The following DENND2B variants were observed in gnomAD, a reference collection of about 807,000 sequenced individuals.
DENND2B encodes the protein DENN domain containing 2B, also known as DENN domain-containing protein 2B.
Under a neutral mutation model 116.0 loss-of-function variants are expected in DENND2B, and 32 were observed. The observed-to-expected ratio is 0.28, with a 90% CI of 0.21 to 0.37. The LOEUF (loss-of-function observed/expected upper bound fraction) is 0.37. DENND2B is among the 10% of genes least tolerant of loss of function. The pLI is 1.00. For missense variants in DENND2B, 1,276 were observed against 1,477.7 expected (o/e 0.86, Z 2.24); for synonymous variants, 588 against 583.9 (o/e 1.01, Z -0.10).
At chr11:8,695,825 C>T (rs567950850) in intron 18 of DENND2B, 1 of 492,310 alleles carries the variant, frequency 2.0e-6, no homozygotes, top group East Asian at 3.6e-5. Context: ...CAGAGCTGCC[C>T]CAAGTGGACA....
intron 1 of DENND2B, among the ~76,000 whole-genome samples, chr11:8,881,453 T>G (rs975565125): frequency 1.3e-5 from 2 of 152,224 alleles, no homozygotes; most frequent in African/African-American, 4.8e-5. Context: ...ATGGGAAATT[T>G]TGTAAATTTT....
At chr11:8,910,343 C>A (rs570482369) in intron 1 of DENND2B, among the ~76,000 whole-genome samples, 1 of 151,452 alleles carries the variant, frequency 6.6e-6, no homozygotes, top group Non-Finnish European at 1.5e-5. Context: ...TAGCGACACC[C>A]CAAAATGTAG....
In DENND2B at chr11:8,725,625, T is replaced by A. The variant is rs1009834223; in HGVS notation, c.1477+448A>T. Among the ~76,000 whole-genome samples, 7 of 152,300 alleles carry A rather than the reference T, an allele frequency of 4.6e-5. No homozygotes were observed. The East Asian group carries it at 1.2e-3, about 25-fold the overall frequency. On this transcript the variant is annotated intron_variant, in intron 4 of 19. Transcript: ENST00000313726. ...CACCAGCCTCGGCCTCCCAAAGTGC[T>A]GGAATTACAGGCACGAGCCACCATG...
intron 1 of DENND2B, chr11:8,809,229 A>T (rs1215293131): frequency 6.6e-6 from 1 of 152,236 alleles, no homozygotes; most frequent in Non-Finnish European, 1.5e-5. Flanking sequence ...GTATACATGT[A>T]CTCATTTTAG....
intron 1 of DENND2B, among the ~76,000 whole-genome samples, chr11:8,766,052 T>C (rs941988809): frequency 6.6e-6 from 1 of 151,554 alleles, no homozygotes; most frequent in African/African-American, 2.4e-5. Flanking sequence ...AACCTACTTA[T>C]AAAAGAAAAC....
intron 1 of DENND2B, among the ~76,000 whole-genome samples, chr11:8,892,717 T>G (rs1270164938): frequency 6.6e-6 from 1 of 152,208 alleles, no homozygotes; most frequent in African/African-American, 2.4e-5. Flanking sequence ...AATCCCTGAA[T>G]AGACCAATAA....
chr11:8,786,941 C>CA (rs1388537036), intron 1 of DENND2B: 1 of 152,126 alleles, frequency 6.6e-6, no homozygotes, highest in Non-Finnish European at 1.5e-5. Context: ...CTCTCTTTAC[C>CA]AGTTATCTAC....
chr11:8,850,138 C>T (rs1002453782), intron 3 of DENND2B, among the ~76,000 whole-genome samples: 1 of 152,102 alleles, frequency 6.6e-6, no homozygotes, highest in Non-Finnish European at 1.5e-5. Context: ...CAGTCACACA[C>T]ACACACACAA....
At chr11:8,718,337 G>A in intron 4 of DENND2B, 1 of 1,531,880 alleles carries the variant, frequency 6.5e-7, no homozygotes, top group African/African-American at 1.4e-5. Context: ...CCAACTCTCA[G>A]GGGATCTCCC....
At chr11:8,746,752 C>T (rs2051331824) in intron 2 of DENND2B, among the ~76,000 whole-genome samples, 4 of 152,146 alleles carry the variant, frequency 2.6e-5, no homozygotes, top group Non-Finnish European at 5.9e-5. Flanking sequence ...GCAAACCAGG[C>T]TAAGTTTGAC....
At position 8,712,190 on chromosome 11, in the gene DENND2B, G is replaced by C. The variant is rs542290042; in HGVS notation, c.2172+361C>G. Among the ~76,000 whole-genome samples the C allele has an allele frequency of 2.0e-5, 3 of 152,298 alleles. No homozygotes were observed. The highest frequency in any genetic ancestry group is 7.2e-5 in the African/African-American group (3 of 41,550). The stretch of plus-strand genomic sequence containing the variant: ...CTAGTGGGTGCAGAGTTTCTCTTTG[G>C]GGTGATAAAAATGTTCTAAAATTGA... On this transcript the variant is annotated intron_variant, in intron 9 of 19. Coordinates refer to ENST00000313726, the MANE Select transcript of DENND2B (RefSeq NM_213618.2). This position sits in a 1 kb window ranked among gnomAD's most constrained non-coding sequence, Gnocchi z 4.4.
At chr11:8,760,692 C>T (rs1481158324) in intron 1 of DENND2B, among the ~76,000 whole-genome samples, 1 of 152,190 alleles carries the variant, frequency 6.6e-6, no homozygotes, top group African/African-American at 2.4e-5. Flanking sequence ...CCCTACAAAA[C>T]AGTAAACCCT....
At chr11:8,777,808 G>C (rs1414106179) in intron 1 of DENND2B, among the ~76,000 whole-genome samples, 1 of 152,186 alleles carries the variant, frequency 6.6e-6, no homozygotes. Flanking sequence ...TATATTTCCA[G>C]CAGTGGAGAC....
At chr11:8,711,494 A>G (rs1043714871) in intron 9 of DENND2B, among the ~76,000 whole-genome samples, 2 of 152,120 alleles carry the variant, frequency 1.3e-5, no homozygotes, top group African/African-American at 2.4e-5. Context: ...CAAAGGGGAC[A>G]AGGTCCCCGA....
intron 2 of DENND2B, among the ~76,000 whole-genome samples, chr11:8,742,521 G>A (rs2050403096): frequency 1.3e-5 from 2 of 152,188 alleles, no homozygotes; most frequent in Non-Finnish European, 2.9e-5. Context: ...CTTGTCAGCT[G>A]TGGTAACATA....
intron 14 of DENND2B, 132 bp from the exon 15 acceptor site, chr11:8,699,522 G>T: frequency 1.1e-6 from 1 of 870,714 alleles, no homozygotes; most frequent in Non-Finnish European, 1.7e-6. Flanking sequence ...CAGGGACCCT[G>T]CAGACTGGTA....
chr11:8,858,381 G>A (rs2063269802), intron 2 of DENND2B, among the ~76,000 whole-genome samples: 1 of 152,124 alleles, frequency 6.6e-6, no homozygotes. Flanking sequence ...AAAGAAAGGA[G>A]GGGATTAAAG....
intron 2 of DENND2B, among the ~76,000 whole-genome samples, chr11:8,734,369 G>A (rs2048614266): frequency 6.6e-6 from 1 of 151,952 alleles, no homozygotes; most frequent in Non-Finnish European, 1.5e-5. Context: ...CTCAAGAGAG[G>A]GTAAGAACAT....
At chr11:8,725,710 A>G (rs1268690701) in intron 4 of DENND2B, among the ~76,000 whole-genome samples, 2 of 152,214 alleles carry the variant, frequency 1.3e-5, no homozygotes, top group Admixed American at 6.5e-5. Context: ...TCATCATGTT[A>G]TAAGAGAAAA....
Sources: gnomAD v4.1 joint callset for allele counts (sites outside exome capture counted in the v4.1 genomes callset) on GRCh38, gnomAD v4.1.1 for gene constraint, Gnocchi (gnomAD v3.1) non-coding constraint, MANE v1.5 for transcripts, NCBI Gene and HGNC (gene_info 2026-07-23, HGNC 2026-07-21) for gene names.